Variants in CUX2 observed in about 807,000 individuals in gnomAD.
CUX2 encodes the protein cut like homeobox 2, also known as homeobox protein cut-like 2.
A neutral mutation model predicts 144.8 loss-of-function variants in CUX2; 40 were observed. That is an observed-to-expected ratio of 0.28 (90% CI 0.21 to 0.36). The LOEUF is 0.36. Ranked by LOEUF, CUX2 falls within the 10% of genes least tolerant of loss-of-function variation. The probability of loss-of-function intolerance (pLI) is 1.00; values close to 1 mark genes in which losing one functional copy is unlikely to be tolerated. For synonymous variants in CUX2, 827 were observed against 875.6 expected (o/e 0.94, Z 0.98); for missense variants, 1,615 against 1,994.0 (o/e 0.81, Z 3.62).
chr12:111,307,356 T>C lies in CUX2; in HGVS notation c.1109+99T>C. The C allele has an allele frequency of 9.3e-7, 1 of 1,081,026 alleles. No homozygotes were observed. Among genetic ancestry groups the C allele is most frequent in the Non-Finnish European group, 1.4e-6 (1 of 735,266 alleles). The allele number at this position is 1,081,026 out of a possible 1,614,324, so 67.0% of individuals were successfully genotyped here. A position where few individuals can be genotyped will look rare whatever the true frequency, so the allele number is the denominator to read the frequency against. On this transcript the variant is annotated intron_variant, in intron 12 of 21. Transcript: ENST00000261726. The surrounding 1 kb of genome is among the most constrained non-coding windows in gnomAD (Gnocchi z 4.1). ...TCTTCCTCCCTCCTACTAAACCCCA[T>C]TTGTTCTTCTCTCCACTAACACTGT...
At chr12:111,071,978 C>T (rs1019178546) in intron 1 of CUX2, among the ~76,000 whole-genome samples, 2 of 152,178 alleles carry the variant, frequency 1.3e-5, no homozygotes, top group African/African-American at 2.4e-5. Context: ...ATCTATTTGT[C>T]TATTCTTTCT....
At chr12:111,063,765 T>C (rs956548589) in intron 1 of CUX2, among the ~76,000 whole-genome samples, 14 of 152,240 alleles carry the variant, frequency 9.2e-5, no homozygotes, top group African/African-American at 3.4e-4. Flanking sequence ...ATTAGCATCG[T>C]AATCGCTCCA....
intron 1 of CUX2, among the ~76,000 whole-genome samples, chr12:111,198,777 G>A (rs1880396738): frequency 6.6e-6 from 1 of 152,228 alleles, no homozygotes; most frequent in South Asian, 2.1e-4. Flanking sequence ...TGCAGGTACT[G>A]CACATGCAAA....
chr12:111,052,416 C>G (rs1870319470), intron 1 of CUX2, among the ~76,000 whole-genome samples: 1 of 147,842 alleles, frequency 6.8e-6, no homozygotes, highest in African/African-American at 2.6e-5. Flanking sequence ...ACATAGTAGG[C>G]CCTCAAAAAA....
chr12:111,083,838 G>C (rs1872042456), intron 1 of CUX2, among the ~76,000 whole-genome samples: 1 of 152,164 alleles, frequency 6.6e-6, no homozygotes, highest in Non-Finnish European at 1.5e-5. Context: ...CCAGTCAGGG[G>C]CTGCCATCCA....
At chr12:111,268,327 T>G (rs1189438428) in intron 4 of CUX2, among the ~76,000 whole-genome samples, 6 of 152,140 alleles carry the variant, frequency 3.9e-5, no homozygotes, top group Non-Finnish European at 7.4e-5. Flanking sequence ...TGAGCTCAAG[T>G]GATCCTCCCA....
chr12:111,071,777 A>G (rs2136031063), intron 1 of CUX2, among the ~76,000 whole-genome samples: 1 of 152,260 alleles, frequency 6.6e-6, no homozygotes, highest in Admixed American at 6.5e-5. Flanking sequence ...AATTTTTGTG[A>G]AGAGTGTAAG....
chr12:111,253,359 C>T (rs887019298), intron 3 of CUX2, among the ~76,000 whole-genome samples: 3 of 151,760 alleles, frequency 2.0e-5, no homozygotes, highest in Non-Finnish European at 2.9e-5. Context: ...TCTCCCGCCA[C>T]ACCAGCCTCT....
intron 1 of CUX2, among the ~76,000 whole-genome samples, chr12:111,199,881 C>T (rs997429469): frequency 5.9e-5 from 9 of 151,832 alleles, no homozygotes; most frequent in East Asian, 3.9e-4. Flanking sequence ...ATTTATGTCT[C>T]GTGTGTCTGT....
Position 111,298,565 on chromosome 12 carries a change from G to A in CUX2, c.729G>A (p.Met243Ile). ...ASKADEVGLI[M>I]TNLEKANQRA... The stretch of plus-strand genomic sequence containing the variant: ...GGGCAGATGAAGTCGGCCTGATCAT[G>A]ACCAACCTGGAGAAAGCTAATCAGG... Residue 243 changes from methionine (M) to isoleucine (I), a missense_variant, in exon 9 of 22, where the codon ATG becomes ATA. Met to Ile is a conservative substitution (Grantham distance 10, BLOSUM62 1). Coordinates refer to ENST00000261726, the MANE Select transcript of CUX2 (RefSeq NM_015267.4). 6.3e-7 allele frequency: 1 copy of A among 1,579,218 alleles called. No homozygotes were observed. The highest frequency in any genetic ancestry group is 8.6e-7 in the Non-Finnish European group (1 of 1,161,644).
chr12:111,323,319 T>G (rs1296272583), intron 18 of CUX2, among the ~76,000 whole-genome samples: 1 of 152,066 alleles, frequency 6.6e-6, no homozygotes, highest in Non-Finnish European at 1.5e-5. Flanking sequence ...ATATCTCAGG[T>G]TCACAGAAAC....
intron 1 of CUX2, among the ~76,000 whole-genome samples, chr12:111,180,672 T>G (rs1336715249): frequency 1.3e-5 from 2 of 152,128 alleles, no homozygotes; most frequent in Non-Finnish European, 2.9e-5. Context: ...GACTGAGGCC[T>G]CCAGTCCTCT....
chr12:111,146,255 G>A (rs555919678), intron 1 of CUX2, among the ~76,000 whole-genome samples: 1 of 152,172 alleles, frequency 6.6e-6, no homozygotes, highest in Non-Finnish European at 1.5e-5. Flanking sequence ...TATGGGTTTG[G>A]ACAAATGTAT....
chr12:111,081,488 C>G (rs879602261), intron 1 of CUX2, among the ~76,000 whole-genome samples: 1 of 151,972 alleles, frequency 6.6e-6, no homozygotes, highest in Non-Finnish European at 1.5e-5. Context: ...CTAGTCTCAC[C>G]CCTAGAGTCA....
chr12:111,341,595 G>A (rs1888577355), intron 20 of CUX2, among the ~76,000 whole-genome samples, 185 bp from the exon 21 acceptor site: 1 of 152,104 alleles, frequency 6.6e-6, no homozygotes, highest in Admixed American at 6.6e-5. Flanking sequence ...GCGGGGGATT[G>A]GGGGTTGGGA....
chr12:111,290,464 G>C (rs1370077254), intron 4 of CUX2, among the ~76,000 whole-genome samples: 1 of 152,054 alleles, frequency 6.6e-6, no homozygotes, highest in Non-Finnish European at 1.5e-5. Flanking sequence ...GCCTTACTCT[G>C]TCCCCCAGGC....
At chr12:111,282,625 TAAAAAAAAAAA>T (rs3061123) in intron 4 of CUX2, among the ~76,000 whole-genome samples, 1 of 105,038 alleles carries the variant, frequency 9.5e-6, no homozygotes, top group Non-Finnish European at 2.0e-5. Context: ...AAACTCCATC[TAAAAAAAAAAA>T]AAAAAAAAAA....
Position 111,324,362 on chromosome 12 carries a change from AAAAAG to A in CUX2, c.2926+1786_2926+1790del, listed in dbSNP as rs1379507179. Among the ~76,000 whole-genome samples the A allele has an allele frequency of 1.0e-3, 149 of 142,872 alleles. 1 individual carries two copies. In the East Asian group the frequency reaches 0.023, roughly 22 times the overall value. The allele number at this position is 142,872 out of a possible 152,430, so 93.7% of individuals were successfully genotyped here. On this transcript the variant is annotated intron_variant, in intron 18 of 21. Coordinates refer to ENST00000261726, the MANE Select transcript of CUX2 (RefSeq NM_015267.4). ...TGAGACTCTGTCTCAAAAAAAAAAAAAAAAGAAAGAAAGAAATGCATAAGGAGGCA... is the reference window on the plus strand; with the variant it reads ...TGAGACTCTGTCTCAAAAAAAAAAAAAAAGAAAGAAATGCATAAGGAGGCA...
rs757041119 is a variant in CUX2, at chr12:111,308,439, C to T, written c.1171C>T (p.Pro391Ser). 1 of 1,614,036 alleles carries T rather than the reference C, an allele frequency of 6.2e-7. No homozygotes were observed. Among genetic ancestry groups the T allele is most frequent in the Non-Finnish European group, 8.5e-7 (1 of 1,180,018 alleles). Residue 391 changes from proline to serine, a missense_variant, in exon 14 of 22, where the codon CCT becomes TCT. Physicochemically the swap from Pro to Ser is moderately conservative, Grantham distance 74 (BLOSUM62 -1). This residue lies in a region of CUX2 where 57 missense variants were observed against 60.8 expected (regional missense o/e 0.94). Transcript: ENST00000261726. ...TCSLPQGMAK[P>S]EDSLLIAKEA... ...TCTTGTCTCCTAGGGCATGGCCAAG[C>T]CTGAAGACTCACTGCTTATTGCAAA...
Sources: allele counts gnomAD v4.1 joint callset (sites outside exome capture counted in the v4.1 genomes callset), GRCh38; gene constraint gnomAD v4.1.1; regional missense constraint gnomAD v4.1.1; non-coding constraint Gnocchi (gnomAD v3.1); transcripts MANE v1.5; gene names NCBI Gene and HGNC (gene_info 2026-07-23, HGNC 2026-07-21).